The following GRIN2B variants were observed in gnomAD, a reference collection of about 807,000 sequenced individuals.
GRIN2B encodes the protein glutamate receptor ionotropic, NMDA 2B.
A neutral mutation model predicts 114.5 loss-of-function variants in GRIN2B; 5 were observed. The ratio of observed to expected loss-of-function variants is 0.04; its 90% CI spans 0.02 to 0.09. The LOEUF is 0.09. Ranked by LOEUF, GRIN2B falls within the 10% of genes least tolerant of loss-of-function variation. The pLI is 1.00. For synonymous variants in GRIN2B, 787 were observed against 745.1 expected, an observed-to-expected ratio of 1.06 and a Z score of -0.92; for missense variants, 1,108 against 1,943.5, an observed-to-expected ratio of 0.57 and a Z score of 8.08.
intron 3 of GRIN2B, among the ~76,000 whole-genome samples, chr12:13,833,143 G>A (rs1453323013): frequency 2.6e-5 from 4 of 152,182 alleles, no homozygotes; most frequent in African/African-American, 9.6e-5. Flanking sequence ...ATATGATATG[G>A]TATTAAAAAT....
intron 2 of GRIN2B, among the ~76,000 whole-genome samples, chr12:13,975,595 C>G (rs1271551725): frequency 6.6e-6 from 1 of 152,208 alleles, no homozygotes; most frequent in Non-Finnish European, 1.5e-5. Context: ...CCTTCCTAAA[C>G]CCAACAGAAC....
rs199844735 is a variant in GRIN2B at position 13,753,562 on chromosome 12, C to T, written c.765G>A (p.Thr255=). 25 of 1,614,164 alleles carry T rather than the reference C, an allele frequency of 1.5e-5. No individual in the cohort carries two copies. The highest frequency in any genetic ancestry group is 1.6e-4 in the Middle Eastern group (1 of 6,062). The change falls in exon 4 of 14, where the codon ACG becomes ACA. Residue 255 remains threonine (T), a synonymous_variant. Transcript: ENST00000609686. The surrounding 1 kb of genome is among the most constrained non-coding windows in gnomAD (Gnocchi z 6.2). ...NSVGLTGYGY[T]WIVPSLVAGD... ...CTGCCACCAGACTGGGCACGATCCA[C>T]GTGTAGCCATAGCCAGTCAGCCCTA... is the stretch of plus-strand genomic sequence containing the variant.
At chr12:13,809,927 C>T (rs1591744867) in intron 3 of GRIN2B, among the ~76,000 whole-genome samples, 1 of 152,182 alleles carries the variant, frequency 6.6e-6, no homozygotes, top group East Asian at 1.9e-4. Flanking sequence ...TCTGCCTCAT[C>T]TTGTGCCTCT....
chr12:13,803,042 A>T (rs891355232), intron 3 of GRIN2B, among the ~76,000 whole-genome samples: 1 of 152,118 alleles, frequency 6.6e-6, no homozygotes, highest in Admixed American at 6.6e-5. Context: ...CATGATGAAG[A>T]CCTCTATGAT....
At chr12:13,592,721 C>G (rs1949024433) in intron 10 of GRIN2B, among the ~76,000 whole-genome samples, 1 of 152,150 alleles carries the variant, frequency 6.6e-6, no homozygotes, top group Non-Finnish European at 1.5e-5. Context: ...CTTTCCTAAC[C>G]TCCTTTTGGG....
chr12:13,834,419 C>G (rs1173489982), intron 3 of GRIN2B, among the ~76,000 whole-genome samples: 1 of 151,996 alleles, frequency 6.6e-6, no homozygotes, highest in Non-Finnish European at 1.5e-5. Context: ...AGCAACACAT[C>G]AAAGGGCCAC....
intron 2 of GRIN2B, among the ~76,000 whole-genome samples, chr12:13,948,650 A>G (rs1461078803): frequency 6.6e-6 from 1 of 152,198 alleles, no homozygotes; most frequent in Non-Finnish European, 1.5e-5. Flanking sequence ...TTCTGCAAGG[A>G]GCAACGGTAC....
chr12:13,926,986 T>C lies in GRIN2B; in HGVS notation c.-19+52942A>G, dbSNP rs543759935. 6.0e-5 allele frequency among the ~76,000 whole-genome samples: 9 copies of C among 149,808 alleles called. No homozygotes were observed. In the South Asian group the frequency reaches 1.7e-3, roughly 28 times the overall value. On this transcript the variant is annotated intron_variant, in intron 2 of 13. Coordinates refer to ENST00000609686, the MANE Select transcript of GRIN2B (RefSeq NM_000834.5). ...AAAAAAAAAAAAAGACAAATTTGTA[T>C]GGAAGGCATTTAAGGGGATGTAAAT... is the stretch of plus-strand genomic sequence containing the variant.
rs190968753 is a variant in GRIN2B at position 13,627,111 on chromosome 12, A to G, written c.1126-10454T>C. Among the ~76,000 whole-genome samples the G allele has an allele frequency of 2.0e-5, 3 of 152,196 alleles. No homozygotes were observed. The East Asian group carries it at 5.8e-4, about 30-fold the overall frequency. ...CCTGGGCAGCCATGTTTTGTAGCCT[A>G]TGGAGAAACTGACCTATGGAAGGAG... On this transcript the variant is annotated intron_variant, in intron 5 of 13. Transcript: ENST00000609686.
rs1124894 is a variant in GRIN2B, at chr12:13,753,457, G to A, written c.870C>T (p.Pro290=). 4.6e-3 allele frequency: 7,486 copies of A among 1,613,766 alleles called. 294 individuals carry two copies. The African/African-American group carries it at 0.086, about 19-fold the overall frequency. ...VSYDEWDYGL[P]ARVRDGIAII... is the part of the protein sequence containing the mutation. ...TGGCAATTCCATCTCTCACTCTGGC[G>A]GGGAGGCCATAGTCCCATTCATCAT... Residue 290 remains proline, a synonymous_variant, in exon 4 of 14, where the codon CCC becomes CCT. Transcript: ENST00000609686. The surrounding 1 kb of genome is among the most constrained non-coding windows in gnomAD (Gnocchi z 6.2).
At chr12:13,834,131 T>A (rs1218719661) in intron 3 of GRIN2B, among the ~76,000 whole-genome samples, 1 of 142,622 alleles carries the variant, frequency 7.0e-6, no homozygotes, top group East Asian at 2.3e-4. Flanking sequence ...CCCGTGTTCA[T>A]GCCATTCTCC....
chr12:13,850,571 C>A (rs1411849392), intron 3 of GRIN2B, among the ~76,000 whole-genome samples: 1 of 152,164 alleles, frequency 6.6e-6, no homozygotes, highest in East Asian at 1.9e-4. Flanking sequence ...CTTTCCCTTT[C>A]TACTTCTTGT....
chr12:13,551,729 T>C lies in GRIN2B; in HGVS notation c.*11054A>G. 1 of 152,184 alleles carries C rather than the reference T, an allele frequency of 6.6e-6. No homozygotes were observed. Among genetic ancestry groups the C allele is most frequent in the Non-Finnish European group, 1.5e-5 (1 of 68,030 alleles). The allele number at this position is 152,184 out of a possible 1,614,324, so 9.4% of individuals were successfully genotyped here. On this transcript the variant is annotated 3_prime_UTR_variant, in exon 14 of 14. Transcript: ENST00000609686. ...GAGATCAAATTCTGTGTAGTTGTGC[T>C]GTTCAGGTGAATATCTGAGAGCAAA... is the stretch of plus-strand genomic sequence containing the variant.
chr12:13,831,213 TGTACA>T (rs1865139437), intron 3 of GRIN2B, among the ~76,000 whole-genome samples: 1 of 152,238 alleles, frequency 6.6e-6, no homozygotes, highest in African/African-American at 2.4e-5. Context: ...CCATGCTTCA[TGTACA>T]GCCTGCAGAA....
chr12:13,940,999 T>C (rs1867238357), intron 2 of GRIN2B, among the ~76,000 whole-genome samples: 1 of 151,978 alleles, frequency 6.6e-6, no homozygotes, highest in Non-Finnish European at 1.5e-5. Context: ...CACATTTTCT[T>C]TCACTAACCA....
chr12:13,786,917 C>T (rs1046632887), intron 3 of GRIN2B, among the ~76,000 whole-genome samples: 1 of 151,612 alleles, frequency 6.6e-6, no homozygotes, highest in Admixed American at 6.6e-5. Flanking sequence ...CGGTTTGAGA[C>T]TCTGCACAAA....
At position 13,564,824 on chromosome 12, in the gene GRIN2B, G is replaced by A. The variant is rs1433262171; in HGVS notation, c.2599-185C>T. Reference sequence around the variant, plus strand: ...ATTTATACCCCTAAATTTGGTGACTGTCATGTGGTGAGCTGAGGTCAGTGA... The same window carrying A: ...ATTTATACCCCTAAATTTGGTGACTATCATGTGGTGAGCTGAGGTCAGTGA... On this transcript the variant is annotated intron_variant, in intron 13 of 13. Transcript: ENST00000609686. The surrounding 1 kb of genome is among the most constrained non-coding windows in gnomAD (Gnocchi z 4.8). Among the ~76,000 whole-genome samples, 1 of 152,208 alleles carries A rather than the reference G, an allele frequency of 6.6e-6. No individual in the cohort carries two copies. The highest frequency in any genetic ancestry group is 1.5e-5 in the Non-Finnish European group (1 of 68,024).
chr12:13,698,398 G>C (rs983862997), intron 4 of GRIN2B, among the ~76,000 whole-genome samples: 1 of 152,202 alleles, frequency 6.6e-6, no homozygotes, highest in Admixed American at 6.5e-5. Context: ...ATTAGTTGAA[G>C]TTGCTTTGAT....
intron 3 of GRIN2B, among the ~76,000 whole-genome samples, chr12:13,825,496 T>TTTGTGTG (rs375940899): frequency 5.2e-4 from 64 of 122,962 alleles, no homozygotes; most frequent in Non-Finnish European, 8.3e-4. Context: ...TATATATATT[T>TTTGTGTG]TGTGTGTGTG....
Sources: gnomAD v4.1 joint callset for allele counts (sites outside exome capture counted in the v4.1 genomes callset) on GRCh38, gnomAD v4.1.1 for gene constraint, Gnocchi (gnomAD v3.1) non-coding constraint, MANE v1.5 for transcripts, NCBI Gene and HGNC (gene_info 2026-07-23, HGNC 2026-07-21) for gene names.